TCAIM: variants seen among roughly 807,000 people sequenced by gnomAD.
TCAIM encodes T-cell activation inhibitor, mitochondrial.
TCAIM carries 36 observed loss-of-function variants against 58.6 expected under a neutral mutation model. The ratio of observed to expected loss-of-function variants is 0.61; its 90% confidence interval spans 0.47 to 0.81. TCAIM has a LOEUF of 0.81. Among genes scored for constraint, TCAIM ranks in the 30% least tolerant of loss-of-function variants. The pLI is 0.00. For synonymous variants in TCAIM, 172 were observed against 193.6 expected (o/e 0.89, Z 0.93); for missense variants, 466 against 579.6 (o/e 0.80, Z 2.01).
intron 4 of TCAIM, chr3:44,362,431 G>A (rs938352182): frequency 1.0e-5 from 4 of 400,832 alleles, no homozygotes; most frequent in Non-Finnish European, 1.8e-5. Flanking sequence ...ACTTCAAATG[G>A]AAGGAGGAAG....
In TCAIM at chr3:44,372,077, G is replaced by GGAAGGAAGGAAGGAAC. The variant is rs1232901051; in HGVS notation, c.572+4369_572+4370insGAAGGAAGGAAGGAAC. Among the ~76,000 whole-genome samples, 138 of 146,238 alleles carry GGAAGGAAGGAAGGAAC rather than the reference G, an allele frequency of 9.4e-4. 8 individuals are homozygous for GGAAGGAAGGAAGGAAC. The highest frequency in any genetic ancestry group is 2.1e-3 in the African/African-American group (84 of 39,600). ...AGGAAGGAAGGAAGGAAGGAAGGAA[G>GGAAGGAAGGAAGGAAC]ATACAGTATTAGCAAGATGTGAAAC... On this transcript the variant is annotated intron_variant, in intron 5 of 10. Transcript: ENST00000342649.
chr3:44,398,897 G>T (rs1372231505), intron 8 of TCAIM, among the ~76,000 whole-genome samples: 1 of 152,158 alleles, frequency 6.6e-6, no homozygotes, highest in East Asian at 1.9e-4. Flanking sequence ...AGGGCATTGT[G>T]CTGAGTGAAA....
At chr3:44,382,039 A>G (rs1442663739) in intron 5 of TCAIM, among the ~76,000 whole-genome samples, 1 of 152,234 alleles carries the variant, frequency 6.6e-6, no homozygotes, top group African/African-American at 2.4e-5. Context: ...TATTACTAAG[A>G]TGTCAATACC....
At chr3:44,358,590 A>T (rs1701243183) in intron 3 of TCAIM, 1 of 295,294 alleles carries the variant, frequency 3.4e-6, no homozygotes, top group South Asian at 7.7e-5. Context: ...TCTAGAAATG[A>T]CTTAAAGTAT....
intron 10 of TCAIM, among the ~76,000 whole-genome samples, chr3:44,404,399 A>G (rs1004076774): frequency 1.3e-5 from 2 of 152,124 alleles, no homozygotes; most frequent in Non-Finnish European, 2.9e-5. Flanking sequence ...CCTGGCACAC[A>G]GGGGGCCTTC....
chr3:44,407,399 A>G, intron 10 of TCAIM, 43 bp from the exon 11 acceptor site: 1 of 1,314,922 alleles, frequency 7.6e-7, no homozygotes, highest in Non-Finnish European at 1.0e-6. Flanking sequence ...TGGTTATGAC[A>G]ATATTTGTTC....
At chr3:44,390,921 C>G (rs1701823672) in intron 5 of TCAIM, among the ~76,000 whole-genome samples, 1 of 152,180 alleles carries the variant, frequency 6.6e-6, no homozygotes, top group African/African-American at 2.4e-5. Context: ...ATGATCCCCT[C>G]AGCCCAGAGT....
At chr3:44,397,974 C>G (rs573014972) in intron 8 of TCAIM, among the ~76,000 whole-genome samples, 1 of 149,128 alleles carries the variant, frequency 6.7e-6, no homozygotes, top group South Asian at 2.1e-4. Context: ...GAGAAAAAAC[C>G]AATCCAACTA....
intron 9 of TCAIM, 109 bp from the exon 10 acceptor site, chr3:44,401,093 GC>G: frequency 6.8e-7 from 1 of 1,460,978 alleles, no homozygotes; most frequent in East Asian, 2.4e-5. Flanking sequence ...TTTTGAGGTG[GC>G]TTTTCTTGAT....
chr3:44,367,739 T>G (rs1341731759), intron 5 of TCAIM, 31 bp downstream of exon 5: 3 of 1,549,580 alleles, frequency 1.9e-6, no homozygotes, highest in Non-Finnish European at 2.6e-6. Context: ...AACTAAACTG[T>G]ATTTGTAGTT....
At chr3:44,339,203 G>GA (rs1051615900) in intron 1 of TCAIM, among the ~76,000 whole-genome samples, 1 of 152,040 alleles carries the variant, frequency 6.6e-6, no homozygotes, top group African/African-American at 2.4e-5. Flanking sequence ...CCTACTCTAA[G>GA]AAGTTCATAT....
chr3:44,382,724 A>G (rs1223538260), intron 5 of TCAIM, among the ~76,000 whole-genome samples: 1 of 152,246 alleles, frequency 6.6e-6, no homozygotes, highest in Non-Finnish European at 1.5e-5. Flanking sequence ...AGGCAACAAA[A>G]GAAAAATAGA....
intron 5 of TCAIM, among the ~76,000 whole-genome samples, chr3:44,371,314 T>C (rs1701466163): frequency 6.6e-6 from 1 of 152,160 alleles, no homozygotes; most frequent in South Asian, 2.1e-4. Flanking sequence ...TGCCTCAGCT[T>C]CCCAGAGTGC....
intron 10 of TCAIM, among the ~76,000 whole-genome samples, chr3:44,405,634 G>C (rs779145940): frequency 3.0e-4 from 46 of 152,032 alleles, no homozygotes; most frequent in Non-Finnish European, 2.6e-4. Flanking sequence ...GGTCACGACA[G>C]TGATACTCCA....
At chr3:44,403,399 C>T (rs1042703029) in intron 10 of TCAIM, among the ~76,000 whole-genome samples, 1 of 152,112 alleles carries the variant, frequency 6.6e-6, no homozygotes, top group African/African-American at 2.4e-5. Context: ...TCCTGTTTTC[C>T]TTATGGAATT....
chr3:44,366,903 T>C (rs956668421), intron 4 of TCAIM, among the ~76,000 whole-genome samples: 2 of 152,106 alleles, frequency 1.3e-5, no homozygotes, highest in Admixed American at 1.3e-4. Context: ...AACTAGAGAA[T>C]TTTAAATCAC....
intron 5 of TCAIM, chr3:44,391,186 TTTTTTTTTTTGTAA>T (rs1701828795): frequency 6.7e-6 from 1 of 148,748 alleles, no homozygotes; most frequent in Non-Finnish European, 1.5e-5. Context: ...CTTAAAGACT[TTTTTTTTTTTGTAA>T]TTTTTAGATG....
intron 1 of TCAIM, among the ~76,000 whole-genome samples, chr3:44,343,538 A>G (rs532612825): frequency 3.3e-5 from 5 of 152,346 alleles, no homozygotes; most frequent in African/African-American, 4.8e-5. Flanking sequence ...CATTGTTTGT[A>G]CTGAATCTTT....
chr3:44,358,165 AC>A, intron 3 of TCAIM: 1 of 1,536,352 alleles, frequency 6.5e-7, no homozygotes, highest in South Asian at 1.2e-5. Flanking sequence ...TTGAAAGAAA[AC>A]TTGAGACCTT....
Sources: gnomAD v4.1 joint callset for allele counts (sites outside exome capture counted in the v4.1 genomes callset) on GRCh38, gnomAD v4.1.1 for gene constraint, MANE v1.5 for transcripts, NCBI Gene and HGNC (gene_info 2026-07-23, HGNC 2026-07-21) for gene names.